Variants in PKIB observed in about 807,000 individuals in gnomAD.
PKIB encodes the protein cAMP-dependent protein kinase inhibitor beta, also known as PKI-beta.
In PKIB, 2 loss-of-function variants were observed where a neutral mutation model predicts 4.5. The ratio of observed to expected loss-of-function variants is 0.44; its 90% CI spans 0.18 to 1.39. The LOEUF is 1.39. Among genes scored for constraint, PKIB ranks in the 40% most tolerant of loss-of-function variants. PKIB has a pLI of 0.27. For missense variants in PKIB, 94 were observed against 92.6 expected, an observed-to-expected ratio of 1.02 and a Z score of -0.06; for synonymous variants, 38 against 36.0, an observed-to-expected ratio of 1.06 and a Z score of -0.20.
At chr6:122,676,489 G>T (rs1777680421) in intron 3 of PKIB, among the ~76,000 whole-genome samples, 1 of 152,112 alleles carries the variant, frequency 6.6e-6, no homozygotes, top group African/African-American at 2.4e-5. Context: ...AGCTGAGTGG[G>T]CTCTTCAATA....
intron 2 of PKIB, chr6:122,643,441 T>C (rs532895983): frequency 1.3e-5 from 2 of 152,320 alleles, no homozygotes; most frequent in South Asian, 4.1e-4. Context: ...AAAATCAGTA[T>C]TCTTGATTGC....
intron 2 of PKIB, among the ~76,000 whole-genome samples, chr6:122,536,627 T>C (rs1341109400): frequency 6.6e-6 from 1 of 152,180 alleles, no homozygotes; most frequent in Non-Finnish European, 1.5e-5. Flanking sequence ...AAAGATCCTT[T>C]ATGTCCACTT....
chr6:122,560,153 A>G (rs976292462), intron 2 of PKIB, among the ~76,000 whole-genome samples: 6 of 151,978 alleles, frequency 3.9e-5, no homozygotes, highest in African/African-American at 7.2e-5. Context: ...ATTTTTCCCC[A>G]TTCAGTATTA....
rs542666809 is a variant in PKIB at position 122,623,914 on chromosome 6, TA to T, written c.-160-9366del. ...TATCTTTCTTGTGTAAGAGTATTAA[TA>T]AATCTAAAACATATTAAACACAATA... On this transcript the variant is annotated intron_variant, in intron 1 of 4. Coordinates refer to ENST00000368452, the MANE Select transcript of PKIB (RefSeq NM_181795.3). 2.0e-3 allele frequency among the ~76,000 whole-genome samples: 308 copies of T among 152,280 alleles called. 2 individuals are homozygous for T. The highest frequency in any genetic ancestry group is 7.2e-3 in the African/African-American group (298 of 41,560).
chr6:122,609,696 T>G (rs1287994542), upstream of PKIB, among the ~76,000 whole-genome samples: 1 of 152,212 alleles, frequency 6.6e-6, no homozygotes, highest in African/African-American at 2.4e-5. Flanking sequence ...ATAAATTAAT[T>G]TTATCAGCAG....
At chr6:122,503,311 A>T (rs951437563) in intron 2 of PKIB, among the ~76,000 whole-genome samples, 2 of 152,204 alleles carry the variant, frequency 1.3e-5, no homozygotes, top group African/African-American at 4.8e-5. Flanking sequence ...GTCACAGATG[A>T]AGTAGAAATT....
chr6:122,534,456 G>T (rs1266270774), intron 2 of PKIB, among the ~76,000 whole-genome samples: 1 of 151,952 alleles, frequency 6.6e-6, no homozygotes, highest in Non-Finnish European at 1.5e-5. Context: ...CAAGTTCTGA[G>T]TATCCAGCGT....
intron 2 of PKIB, among the ~76,000 whole-genome samples, chr6:122,512,179 T>C (rs1199634115): frequency 2.0e-5 from 3 of 152,222 alleles, no homozygotes; most frequent in African/African-American, 7.2e-5. Flanking sequence ...TAATATAAAA[T>C]GCATTTTATT....
rs563193652 is a variant in PKIB, at chr6:122,714,626, G to A, written c.-8-3161G>A. Among the ~76,000 whole-genome samples the A allele has an allele frequency of 7.9e-5, 12 of 152,170 alleles. No homozygotes were observed. The South Asian group carries it at 1.0e-3, about 13-fold the overall frequency. On this transcript the variant is annotated intron_variant, in intron 3 of 4. Transcript: ENST00000368452. ...TTCCATGCTGACGGCCCACTCCAAG[G>A]GCCACTTTTTAGAAGTTCTTTTTTA...
intron 3 of PKIB, among the ~76,000 whole-genome samples, chr6:122,689,113 C>T (rs1778221672): frequency 6.6e-6 from 1 of 152,008 alleles, no homozygotes; most frequent in African/African-American, 2.4e-5. Flanking sequence ...TTGGTTGTAA[C>T]ATCTCCTTTT....
At chr6:122,684,020 A>G (rs1348453325) in intron 3 of PKIB, among the ~76,000 whole-genome samples, 1 of 152,244 alleles carries the variant, frequency 6.6e-6, no homozygotes, top group Non-Finnish European at 1.5e-5. Flanking sequence ...TATACCTTCA[A>G]AAAGAAGACA....
intron 2 of PKIB, among the ~76,000 whole-genome samples, chr6:122,672,657 A>C (rs939781432): frequency 6.6e-6 from 1 of 152,094 alleles, no homozygotes; most frequent in Non-Finnish European, 1.5e-5. Context: ...TCATGAAAAA[A>C]TATTAGAACA....
intron 3 of PKIB, among the ~76,000 whole-genome samples, chr6:122,594,301 G>C (rs1309522889): frequency 6.6e-6 from 1 of 151,620 alleles, no homozygotes; most frequent in African/African-American, 2.4e-5. Context: ...TCTGCCTCCC[G>C]GGTTCAAGCG....
intron 3 of PKIB, among the ~76,000 whole-genome samples, chr6:122,680,788 T>A (rs1490920478): frequency 2.0e-5 from 3 of 152,198 alleles, no homozygotes; most frequent in Admixed American, 6.5e-5. Context: ...TTGAACCAAC[T>A]TTTCCTCTTT....
chr6:122,622,706 G>T (rs549882370), intron 1 of PKIB, among the ~76,000 whole-genome samples: 1 of 149,526 alleles, frequency 6.7e-6, no homozygotes, highest in South Asian at 2.1e-4. Flanking sequence ...TTTTGCAGTA[G>T]TGGGGGCTCA....
intron 2 of PKIB, among the ~76,000 whole-genome samples, chr6:122,654,721 T>C (rs1776700854): frequency 6.6e-6 from 1 of 152,246 alleles, no homozygotes; most frequent in Admixed American, 6.5e-5. Context: ...TATTTTTCTG[T>C]ACTGATTTAC....
At chr6:122,516,146 TCAAAGAG>T (rs1456985362) in intron 2 of PKIB, among the ~76,000 whole-genome samples, 2 of 152,162 alleles carry the variant, frequency 1.3e-5, no homozygotes, top group Non-Finnish European at 2.9e-5. Flanking sequence ...AGTATAAATC[TCAAAGAG>T]CACACACGTA....
At chr6:122,698,537 T>A (rs1481883982) in intron 3 of PKIB, among the ~76,000 whole-genome samples, 1 of 152,080 alleles carries the variant, frequency 6.6e-6, no homozygotes, top group Non-Finnish European at 1.5e-5. Flanking sequence ...TGGTGTATAG[T>A]ACAAGGCCAG....
chr6:122,669,964 A>G (rs2114940276), intron 2 of PKIB, among the ~76,000 whole-genome samples: 1 of 152,014 alleles, frequency 6.6e-6, no homozygotes, highest in Admixed American at 6.6e-5. Context: ...CTTATGTGCA[A>G]TCCAGGCAGG....
Sources: allele counts gnomAD v4.1 joint callset (sites outside exome capture counted in the v4.1 genomes callset), GRCh38; gene constraint gnomAD v4.1.1; transcripts MANE v1.5; gene names NCBI Gene and HGNC (gene_info 2026-07-23, HGNC 2026-07-21).